The following CSNK2A2IP variants were observed in gnomAD, a reference collection of about 807,000 sequenced individuals.
CSNK2A2IP encodes casein kinase II subunit alpha'-interacting protein.
chr3:88,372,136 T>C, the CSNK2A2IP span, among the ~76,000 whole-genome samples: 2 of 151,700 alleles, frequency 1.3e-5, no homozygotes, highest in Admixed American at 1.3e-4. Flanking sequence ...TATCTCTTAA[T>C]TTTCAATTTT....
At chr3:88,378,879 TTTGA>T in the CSNK2A2IP span, among the ~76,000 whole-genome samples, 4 of 152,040 alleles carry the variant, frequency 2.6e-5, no homozygotes, top group East Asian at 1.9e-4. Flanking sequence ...GTTAACTTTG[TTTGA>T]TTGTGTTAGT....
chr3:88,449,874 T>TATATAGAGAGAGAGAGAGAG, the CSNK2A2IP span, among the ~76,000 whole-genome samples: 1 of 70,112 alleles, frequency 1.4e-5, no homozygotes, highest in South Asian at 6.5e-4. Flanking sequence ...TATATATATA[T>TATATAGAGAGAGAGAGAGAG]AGAGAGAGAG....
chr3:88,384,941 G>A, the CSNK2A2IP span, among the ~76,000 whole-genome samples: 2 of 152,054 alleles, frequency 1.3e-5, no homozygotes, highest in Non-Finnish European at 2.9e-5. Context: ...CATGAGAAGA[G>A]GGATCAAAAA....
the CSNK2A2IP span, among the ~76,000 whole-genome samples, chr3:88,421,627 G>A: frequency 6.6e-6 from 1 of 152,210 alleles, no homozygotes; most frequent in South Asian, 2.1e-4. Context: ...ATGTTGGCCA[G>A]TCTGGTCTCG....
the CSNK2A2IP span, among the ~76,000 whole-genome samples, chr3:88,342,824 T>G: frequency 7.2e-3 from 1,092 of 152,120 alleles, 20 homozygotes; most frequent in African/African-American, 0.025. Context: ...GTATTACCTC[T>G]GCTTCCAGAA....
the CSNK2A2IP span, among the ~76,000 whole-genome samples, chr3:88,451,734 T>C: frequency 2.8e-3 from 428 of 150,772 alleles, 2 homozygotes; most frequent in African/African-American, 9.7e-3. Flanking sequence ...TCTCTCTCTT[T>C]TTTTTTTTTA....
At chr3:88,419,445 T>A in the CSNK2A2IP span, among the ~76,000 whole-genome samples, 1 of 152,204 alleles carries the variant, frequency 6.6e-6, no homozygotes, top group African/African-American at 2.4e-5. Flanking sequence ...TTCATTATTT[T>A]TTATGGATGT....
At chr3:88,448,277 C>T in the CSNK2A2IP span, among the ~76,000 whole-genome samples, 6 of 152,140 alleles carry the variant, frequency 3.9e-5, no homozygotes, top group Non-Finnish European at 8.8e-5. Context: ...AACAAAGAGG[C>T]TTTATTGGCA....
the CSNK2A2IP span, chr3:88,338,546 T>C: frequency 6.6e-6 from 1 of 152,132 alleles, no homozygotes; most frequent in African/African-American, 2.4e-5. Flanking sequence ...ATGGAGACTC[T>C]AGACATTTGT....
the CSNK2A2IP span, among the ~76,000 whole-genome samples, chr3:88,411,410 C>A: frequency 2.0e-5 from 3 of 149,900 alleles, no homozygotes; most frequent in African/African-American, 7.5e-5. Flanking sequence ...TCTATCCATC[C>A]ATCCATCTAA....
the CSNK2A2IP span, among the ~76,000 whole-genome samples, chr3:88,357,810 A>C: frequency 6.6e-6 from 1 of 151,598 alleles, no homozygotes; most frequent in Non-Finnish European, 1.5e-5. Flanking sequence ...GCTGGAGTGC[A>C]GTGGCATGAT....
the CSNK2A2IP span, among the ~76,000 whole-genome samples, chr3:88,459,965 C>T: frequency 2.6e-5 from 4 of 151,924 alleles, no homozygotes; most frequent in Non-Finnish European, 4.4e-5. Flanking sequence ...AAGTGAATTG[C>T]TCTATTCCTT....
the CSNK2A2IP span, among the ~76,000 whole-genome samples, chr3:88,350,925 T>G: frequency 1.2e-4 from 19 of 152,086 alleles, no homozygotes; most frequent in Admixed American, 2.0e-4. Context: ...CACTCACATT[T>G]TTAGGATCCA....
the CSNK2A2IP span, among the ~76,000 whole-genome samples, chr3:88,415,728 C>T: frequency 6.6e-6 from 1 of 151,926 alleles, no homozygotes; most frequent in Non-Finnish European, 1.5e-5. Flanking sequence ...CTTGCAAAGT[C>T]CATCTAACTT....
At chr3:88,458,760 C>T in the CSNK2A2IP span, among the ~76,000 whole-genome samples, 8 of 152,128 alleles carry the variant, frequency 5.3e-5, no homozygotes, top group South Asian at 2.1e-4. Flanking sequence ...CTTGATACAC[C>T]GTATAAAATG....
the CSNK2A2IP span, among the ~76,000 whole-genome samples, chr3:88,378,575 A>T: frequency 6.6e-6 from 1 of 152,192 alleles, no homozygotes; most frequent in South Asian, 2.1e-4. Context: ...TCAATTAATT[A>T]AAATTTAAAT....
At chr3:88,406,931 G>A in the CSNK2A2IP span, among the ~76,000 whole-genome samples, 2 of 152,188 alleles carry the variant, frequency 1.3e-5, no homozygotes, top group East Asian at 3.9e-4. Context: ...TGGCCGACAC[G>A]GAGGTGAGGG....
At chr3:88,393,702 G>T in the CSNK2A2IP span, among the ~76,000 whole-genome samples, 4 of 152,074 alleles carry the variant, frequency 2.6e-5, no homozygotes, top group African/African-American at 9.7e-5. Context: ...TTTATGGTTA[G>T]ACAAGTGTGT....
chr3:88,423,231 T>A, the CSNK2A2IP span, among the ~76,000 whole-genome samples: 3 of 152,194 alleles, frequency 2.0e-5, no homozygotes, highest in Non-Finnish European at 4.4e-5. Context: ...AAATTCATTG[T>A]CCCTATGTAG....
Sources: gnomAD v4.1 joint callset for allele counts (sites outside exome capture counted in the v4.1 genomes callset) on GRCh38, gnomAD v4.1.1 for gene constraint, MANE v1.5 for transcripts, NCBI Gene and HGNC (gene_info 2026-07-23, HGNC 2026-07-21) for gene names.